The following FHIP1A variants were observed in gnomAD, a reference collection of about 807,000 sequenced individuals.
FHIP1A encodes the protein FHF complex subunit HOOK interacting protein 1A, also known as FHF complex subunit HOOK-interacting protein 1A.
In FHIP1A, 61 loss-of-function variants were observed where a neutral mutation model predicts 88.6. The ratio of observed to expected loss-of-function variants is 0.69; its 90% CI spans 0.56 to 0.85. The LOEUF is 0.85. Ranked by LOEUF, FHIP1A falls within the 40% of genes least tolerant of loss-of-function variation. The pLI is 0.00. For missense variants in FHIP1A, 1,154 were observed against 1,273.5 expected (o/e 0.91, Z 1.43); for synonymous variants, 478 against 496.0 (o/e 0.96, Z 0.48).
chr4:151,505,464 C>A (rs1730801666), intron 3 of FHIP1A, among the ~76,000 whole-genome samples: 1 of 152,160 alleles, frequency 6.6e-6, no homozygotes, highest in African/African-American at 2.4e-5. Context: ...TATCATCGAC[C>A]CCTTCCATGC....
chr4:151,547,329 G>A (rs998568036), intron 3 of FHIP1A, among the ~76,000 whole-genome samples: 3 of 152,172 alleles, frequency 2.0e-5, no homozygotes, highest in Admixed American at 6.5e-5. Flanking sequence ...ACCCCGCAGA[G>A]AGGCCATAGG....
intron 2 of FHIP1A, among the ~76,000 whole-genome samples, chr4:151,465,459 AC>A (rs1397316358): frequency 6.6e-6 from 1 of 152,226 alleles, no homozygotes; most frequent in Non-Finnish European, 1.5e-5. Context: ...AGGAGCTGAT[AC>A]CAATCCTTCT....
chr4:151,574,101 G>A (rs1733696228), intron 4 of FHIP1A, among the ~76,000 whole-genome samples: 1 of 152,202 alleles, frequency 6.6e-6, no homozygotes, highest in Non-Finnish European at 1.5e-5. Context: ...AGGTAGCCTG[G>A]GAAGGTCCTA....
At chr4:151,644,281 A>G (rs1231843903) in intron 9 of FHIP1A, among the ~76,000 whole-genome samples, 1 of 151,208 alleles carries the variant, frequency 6.6e-6, no homozygotes, top group African/African-American at 2.5e-5. Context: ...CAACCCCCAA[A>G]CCCCCCACCC....
At chr4:151,421,829 A>G (rs530490369) in intron 1 of FHIP1A, among the ~76,000 whole-genome samples, 42 of 152,210 alleles carry the variant, frequency 2.8e-4, no homozygotes, top group East Asian at 7.7e-4. Context: ...AGCCACACCA[A>G]TAACAGAAGT....
chr4:151,433,129 G>A (rs1349297950), intron 1 of FHIP1A, among the ~76,000 whole-genome samples: 1 of 152,132 alleles, frequency 6.6e-6, no homozygotes, highest in African/African-American at 2.4e-5. Context: ...CTTCAGGTGA[G>A]CAGAGGAAAT....
intron 5 of FHIP1A, among the ~76,000 whole-genome samples, chr4:151,583,534 TG>T (rs1734101076): frequency 6.6e-6 from 1 of 152,254 alleles, no homozygotes. Flanking sequence ...CTGTCACTGA[TG>T]TATGTAATTT....
chr4:151,622,233 G>A (rs1046129768), intron 7 of FHIP1A, among the ~76,000 whole-genome samples: 2 of 152,216 alleles, frequency 1.3e-5, no homozygotes, highest in Non-Finnish European at 2.9e-5. Context: ...GGAAAGTTGA[G>A]TTTTGGGGGG....
chr4:151,485,386 A>G (rs1325625853), intron 3 of FHIP1A, among the ~76,000 whole-genome samples: 1 of 146,480 alleles, frequency 6.8e-6, no homozygotes, highest in African/African-American at 2.6e-5. Flanking sequence ...TTTTAACATC[A>G]TTTCTGAAAT....
At chr4:151,500,791 A>C (rs1730623224) in intron 3 of FHIP1A, among the ~76,000 whole-genome samples, 1 of 152,202 alleles carries the variant, frequency 6.6e-6, no homozygotes, top group African/African-American at 2.4e-5. Context: ...GCCTAATCCT[A>C]ATTCTTTGAA....
intron 3 of FHIP1A, among the ~76,000 whole-genome samples, chr4:151,498,696 T>A (rs1167195993): frequency 6.6e-6 from 1 of 152,150 alleles, no homozygotes. Context: ...GTGCCTGTAG[T>A]CCCAGCTACT....
intron 3 of FHIP1A, among the ~76,000 whole-genome samples, chr4:151,490,610 A>T (rs985045145): frequency 2.0e-5 from 3 of 152,180 alleles, no homozygotes; most frequent in Non-Finnish European, 4.4e-5. Context: ...TCCCCAAAAG[A>T]TCACAAGCTA....
intron 3 of FHIP1A, among the ~76,000 whole-genome samples, chr4:151,507,197 C>G (rs1227451501): frequency 6.6e-6 from 1 of 152,156 alleles, no homozygotes; most frequent in African/African-American, 2.4e-5. Context: ...GACCACAGCT[C>G]ACTGCAGCCT....
chr4:151,471,312 AT>A (rs544073854), intron 2 of FHIP1A, among the ~76,000 whole-genome samples: 5 of 120,848 alleles, frequency 4.1e-5, no homozygotes, highest in African/African-American at 1.6e-4. Flanking sequence ...ACTTTAGCGT[AT>A]TTTTTCCAAT....
At chr4:151,601,593 A>G (rs1734868719) in intron 7 of FHIP1A, among the ~76,000 whole-genome samples, 1 of 149,822 alleles carries the variant, frequency 6.7e-6, no homozygotes, top group South Asian at 2.2e-4. Context: ...AAATGCTAAC[A>G]ACATACTAGA....
intron 3 of FHIP1A, among the ~76,000 whole-genome samples, chr4:151,554,949 A>G (rs534899065): frequency 1.3e-5 from 2 of 152,286 alleles, no homozygotes; most frequent in African/African-American, 4.8e-5. Flanking sequence ...CTACTTAATG[A>G]CTTTGAAAAG....
chr4:151,597,538 T>A (rs1426890680), intron 7 of FHIP1A, among the ~76,000 whole-genome samples: 2 of 152,176 alleles, frequency 1.3e-5, no homozygotes, highest in Non-Finnish European at 2.9e-5. Context: ...AGTCTGTCCC[T>A]TGGCAGAACT....
At chr4:151,478,911 C>T (rs968682485) in intron 2 of FHIP1A, among the ~76,000 whole-genome samples, 1 of 152,074 alleles carries the variant, frequency 6.6e-6, no homozygotes, top group African/African-American at 2.4e-5. Context: ...TACTTGTGGT[C>T]TCTGCCTGCT....
chr4:151,570,388 C>T (rs1733552065), intron 4 of FHIP1A, among the ~76,000 whole-genome samples: 1 of 152,282 alleles, frequency 6.6e-6, no homozygotes, highest in East Asian at 1.9e-4. Context: ...TGCTCCCACC[C>T]CATGTTCAAG....
Sources: allele counts gnomAD v4.1 joint callset (sites outside exome capture counted in the v4.1 genomes callset), GRCh38; gene constraint gnomAD v4.1.1; transcripts MANE v1.5; gene names NCBI Gene and HGNC (gene_info 2026-07-23, HGNC 2026-07-21).